Variants in TRHDE observed in about 807,000 individuals in gnomAD.
TRHDE encodes the protein thyrotropin releasing hormone degrading enzyme.
A neutral mutation model predicts 125.7 loss-of-function variants in TRHDE; 72 were observed. That is an observed-to-expected ratio of 0.57 (90% CI 0.47 to 0.70). TRHDE has a LOEUF of 0.70. Ranked by LOEUF, TRHDE falls within the 30% of genes least tolerant of loss-of-function variation. TRHDE has a pLI of 0.00. For missense variants in TRHDE, 1,110 were observed against 1,327.1 expected (o/e 0.84, Z 2.54); for synonymous variants, 509 against 509.1 (o/e 1.00, Z 0.00).
At chr12:72,211,786 A>C (rs1357306523) in intron 2 of TRHDE, among the ~76,000 whole-genome samples, 2 of 152,224 alleles carry the variant, frequency 1.3e-5, no homozygotes, top group Non-Finnish European at 2.9e-5. Context: ...CTAATACAAT[A>C]ATAGAATAAA....
At chr12:72,659,880 C>T (rs529634852) in intron 18 of TRHDE, among the ~76,000 whole-genome samples, 10 of 152,156 alleles carry the variant, frequency 6.6e-5, no homozygotes, top group East Asian at 3.9e-4. Flanking sequence ...GTATTCTCCC[C>T]GCTTGCGGAG....
intron 2 of TRHDE, among the ~76,000 whole-genome samples, chr12:72,132,286 G>A (rs1022110945): frequency 6.6e-6 from 1 of 152,114 alleles, no homozygotes; most frequent in Non-Finnish European, 1.5e-5. Context: ...TTGAAAAAAA[G>A]AGCTGGGGTT....
chr12:72,284,601 GTTAC>G (rs911923002), intron 1 of TRHDE, among the ~76,000 whole-genome samples: 1 of 152,122 alleles, frequency 6.6e-6, no homozygotes, highest in Non-Finnish European at 1.5e-5. Context: ...AAGAATCTTT[GTTAC>G]TTACAGCTGA....
intron 6 of TRHDE, among the ~76,000 whole-genome samples, chr12:72,531,980 C>A (rs1237691770): frequency 1.3e-5 from 2 of 152,030 alleles, no homozygotes; most frequent in East Asian, 3.9e-4. Flanking sequence ...AAGACAATTT[C>A]TGTGAAAAAG....
Position 72,665,665 on chromosome 12 carries a change from G to T in TRHDE, c.*2470G>T, listed in dbSNP as rs1321276145. On this transcript the variant is annotated 3_prime_UTR_variant, in exon 19 of 19. Coordinates refer to ENST00000261180, the MANE Select transcript of TRHDE (RefSeq NM_013381.3). ...TTAGAGTTTTTATCTTTTCTTTTTT[G>T]TCGGCTTTACAAATTATATGTATGC... 2 of 151,378 alleles carry T rather than the reference G, an allele frequency of 1.3e-5. No homozygotes were observed. The allele number at this position is 151,378 out of a possible 1,614,324, so 9.4% of individuals were successfully genotyped here.
At chr12:72,502,632 T>C (rs1878203770) in intron 6 of TRHDE, among the ~76,000 whole-genome samples, 3 of 152,204 alleles carry the variant, frequency 2.0e-5, no homozygotes, top group Admixed American at 2.0e-4. Flanking sequence ...ATTCCACTAG[T>C]GTTAGCTAGA....
chr12:72,402,913 C>T (rs1565728542), intron 3 of TRHDE, among the ~76,000 whole-genome samples: 1 of 152,246 alleles, frequency 6.6e-6, no homozygotes, highest in Middle Eastern at 3.4e-3. Flanking sequence ...AGGACCAGCT[C>T]TAAGCTGATG....
chr12:72,221,687 T>G (rs1451653601), intron 2 of TRHDE, among the ~76,000 whole-genome samples: 2 of 151,988 alleles, frequency 1.3e-5, no homozygotes, highest in Non-Finnish European at 2.9e-5. Flanking sequence ...AAATAGAAGG[T>G]GGAATATTTC....
At chr12:72,239,902 C>T (rs778801514) in intron 2 of TRHDE, among the ~76,000 whole-genome samples, 14 of 152,108 alleles carry the variant, frequency 9.2e-5, no homozygotes, top group Non-Finnish European at 1.6e-4. Flanking sequence ...TTTGTCTGTC[C>T]TATTTTCAGT....
intron 3 of TRHDE, among the ~76,000 whole-genome samples, chr12:72,439,789 G>A (rs1171164516): frequency 1.3e-5 from 2 of 151,798 alleles, no homozygotes; most frequent in African/African-American, 4.8e-5. Flanking sequence ...GTGTTGAATA[G>A]AAGTGGTAAG....
At chr12:72,651,998 A>G (rs1286301134) in intron 15 of TRHDE, among the ~76,000 whole-genome samples, 1 of 151,970 alleles carries the variant, frequency 6.6e-6, no homozygotes, top group African/African-American at 2.4e-5. Flanking sequence ...TGTAATAGCC[A>G]TATTAAAGTT....
intron 6 of TRHDE, among the ~76,000 whole-genome samples, chr12:72,508,096 G>C (rs1878431859): frequency 6.6e-6 from 1 of 152,230 alleles, no homozygotes; most frequent in African/African-American, 2.4e-5. Flanking sequence ...GGGTGTCCAG[G>C]TGGAAATCTG....
chr12:72,656,959 T>C lies in TRHDE; in HGVS notation c.3017T>C (p.Leu1006Pro). 6 of 1,611,280 alleles carry C rather than the reference T, an allele frequency of 3.7e-6. No homozygotes were observed. Among genetic ancestry groups the C allele is most frequent in the Non-Finnish European group, 5.1e-6 (6 of 1,178,142 alleles). The change falls in exon 18 of 19, where the codon CTC (leucine) becomes CCC (proline). Residue 1006 changes from leucine (L) to proline (P), a missense_variant. By Grantham distance (98) the Leu-to-Pro change is moderately conservative. Around this residue, in one of 5 missense-constraint regions of TRHDE, gnomAD observed 527 missense variants for 651.8 expected, o/e 0.81. Coordinates refer to ENST00000261180, the MANE Select transcript of TRHDE (RefSeq NM_013381.3). Reference sequence around the variant, plus strand: ...GAAGCATTGTTTATGAATTCCAAACTCATCAGTGGTGTCACAGAATTTCTT... The same window carrying C: ...GAAGCATTGTTTATGAATTCCAAACCCATCAGTGGTGTCACAGAATTTCTT... ...YGEALFMNSK[L>P]ISGVTEFLNT...
rs116311178 is a variant in TRHDE, at chr12:72,172,319, C to T, written n.279+66567C>T. Among the ~76,000 whole-genome samples the T allele has an allele frequency of 1.3e-3, 201 of 152,290 alleles. 1 individual carries two copies. The highest frequency in any genetic ancestry group is 4.5e-3 in the African/African-American group (187 of 41,570). On this transcript the variant is annotated intron_variant and non_coding_transcript_variant, in intron 2 of 4. Transcript: ENST00000548156. Reference sequence around the variant, plus strand: ...GCTAACCTTGATTCAAGAATTACTGCATGCCAGATACAATTCTAAGCCTTT... The same window carrying T: ...GCTAACCTTGATTCAAGAATTACTGTATGCCAGATACAATTCTAAGCCTTT...
chr12:72,114,962 T>G (rs1263868576), intron 2 of TRHDE, among the ~76,000 whole-genome samples: 3 of 152,094 alleles, frequency 2.0e-5, no homozygotes, highest in Admixed American at 6.6e-5. Context: ...ATTTTAAAAT[T>G]TTGTGGGTAT....
intron 5 of TRHDE, among the ~76,000 whole-genome samples, chr12:72,491,463 G>GAAT (rs372219306): frequency 6.6e-6 from 1 of 151,884 alleles, no homozygotes; most frequent in South Asian, 2.1e-4. Context: ...TAAGTCTGCA[G>GAAT]AATAATAATA....
chr12:72,554,308 G>A (rs1869820512), intron 7 of TRHDE, among the ~76,000 whole-genome samples: 2 of 151,948 alleles, frequency 1.3e-5, no homozygotes, highest in Admixed American at 1.3e-4. Context: ...ATTTTTCTAA[G>A]TCGTTTATTT....
intron 3 of TRHDE, among the ~76,000 whole-genome samples, chr12:72,454,337 A>G (rs1875734494): frequency 6.6e-6 from 1 of 152,086 alleles, no homozygotes; most frequent in Non-Finnish European, 1.5e-5. Flanking sequence ...TAAGCTGTCT[A>G]TTTATTTTGT....
At chr12:72,614,877 T>C (rs1207510970) in intron 12 of TRHDE, among the ~76,000 whole-genome samples, 7 of 152,134 alleles carry the variant, frequency 4.6e-5, no homozygotes, top group Admixed American at 4.6e-4. Context: ...CAAAGCCAGT[T>C]AAGGTCAGAG....
Sources: gnomAD v4.1 joint callset for allele counts (sites outside exome capture counted in the v4.1 genomes callset) on GRCh38, gnomAD v4.1.1 for gene constraint, gnomAD v4.1.1 regional missense constraint, MANE v1.5 for transcripts, NCBI Gene and HGNC (gene_info 2026-07-23, HGNC 2026-07-21) for gene names.